Variants in HORMAD2 observed in about 807,000 individuals in gnomAD.
HORMAD2 encodes the protein HORMA domain containing 2, also known as HORMA domain-containing protein 2.
A neutral mutation model predicts 38.8 loss-of-function variants in HORMAD2; 45 were observed. The observed-to-expected ratio is 1.16, with a 90% CI of 0.91 to 1.49. The LOEUF (loss-of-function observed/expected upper bound fraction) is 1.49, where lower values mean the gene tolerates loss of function less well. Ranked by LOEUF, HORMAD2 falls within the 40% of genes most tolerant of loss-of-function variation. The pLI is 0.00. For synonymous variants in HORMAD2, 126 were observed against 122.8 expected, an observed-to-expected ratio of 1.03 and a Z score of -0.17; for missense variants, 338 against 367.0, an observed-to-expected ratio of 0.92 and a Z score of 0.65.
downstream of HORMAD2, among the ~76,000 whole-genome samples, chr22:30,178,499 A>G (rs1339367727): frequency 2.0e-5 from 3 of 152,248 alleles, no homozygotes; most frequent in Admixed American, 6.5e-5. Flanking sequence ...GATTTTACAC[A>G]GCAGAGCTCA....
intron 10 of HORMAD2, among the ~76,000 whole-genome samples, chr22:30,140,091 C>T: frequency 6.6e-6 from 1 of 151,952 alleles, no homozygotes; most frequent in East Asian, 1.9e-4. Flanking sequence ...CAGGGTAACA[C>T]TGGCTTCATA....
chr22:30,108,341 G>A (rs1190927588), intron 5 of HORMAD2, among the ~76,000 whole-genome samples: 1 of 152,060 alleles, frequency 6.6e-6, no homozygotes. Context: ...TCCTTCACAT[G>A]GTCTGCAAGG....
At chr22:30,139,254 C>CTATATATATATATATATATATATA (rs3067131) in intron 10 of HORMAD2, among the ~76,000 whole-genome samples, 1 of 96,774 alleles carries the variant, frequency 1.0e-5, no homozygotes, top group Non-Finnish European at 1.9e-5. Context: ...ATGAACTGTA[C>CTATATATATATATATATATATATA]TATATATATA....
At chr22:30,128,262 C>T (rs1280261147) in intron 10 of HORMAD2, among the ~76,000 whole-genome samples, 1 of 152,098 alleles carries the variant, frequency 6.6e-6, no homozygotes, top group African/African-American at 2.4e-5. Flanking sequence ...CTTCCGCCGT[C>T]CCACCATCCT....
Position 30,175,928 on chromosome 22 carries a change from C to G in HORMAD2, c.820-135C>G, listed in dbSNP as rs1926428563. The G allele has an allele frequency of 4.3e-5, 26 of 605,040 alleles. 1 individual carries two copies. In the South Asian group the frequency reaches 5.5e-4, roughly 13 times the overall value. The allele number at this position is 605,040 out of a possible 1,614,324, so 37.5% of individuals were successfully genotyped here. A position where few individuals can be genotyped will look rare whatever the true frequency, so the allele number is the denominator to read the frequency against. ...AGCAGGGCCTCTGTGCAGGGCCAAA[C>G]CAGCCCACAGGAAAGCAGGTTTGGA... On this transcript the variant is annotated intron_variant, in intron 10 of 10. Coordinates refer to ENST00000336726, the MANE Select transcript of HORMAD2 (RefSeq NM_152510.4).
At chr22:30,196,447 G>A in the HORMAD2 span, among the ~76,000 whole-genome samples, 2 of 152,286 alleles carry the variant, frequency 1.3e-5, no homozygotes, top group East Asian at 1.9e-4. Flanking sequence ...CTGCCGGCAC[G>A]CCTCCTATCA....
At chr22:30,197,733 A>G in the HORMAD2 span, among the ~76,000 whole-genome samples, 7 of 152,176 alleles carry the variant, frequency 4.6e-5, no homozygotes, top group African/African-American at 1.7e-4. Context: ...TATATCCAGA[A>G]TCTTTTTTCC....
At position 30,121,971 on chromosome 22, in the gene HORMAD2, A is replaced by G. The variant is rs377699164; in HGVS notation, c.576A>G (p.Pro192=). The G allele has an allele frequency of 1.9e-6, 3 of 1,610,670 alleles. No homozygotes were observed. The highest frequency in any genetic ancestry group is 2.7e-5 in the African/African-American group (2 of 74,866). The change falls in exon 10 of 11, where the codon CCA becomes CCG. Residue 192 remains proline, a synonymous_variant. Transcript: ENST00000336726. ...MKLHYYNAVT[P]HDYQPLGFKE... ...GCCCTTTTCATTTCGCAGTGACCCC[A>G]CATGATTACCAACCCCTCGGTTTTA...
intron 2 of HORMAD2, among the ~76,000 whole-genome samples, chr22:30,098,278 C>G (rs1196441941): frequency 6.6e-6 from 1 of 152,072 alleles, no homozygotes; most frequent in Non-Finnish European, 1.5e-5. Flanking sequence ...AGCCTGAAGA[C>G]AGAATCCTGG....
chr22:30,108,714 C>T (rs1386504723), intron 5 of HORMAD2, among the ~76,000 whole-genome samples: 1 of 152,122 alleles, frequency 6.6e-6, no homozygotes, highest in African/African-American at 2.4e-5. Context: ...TAACGTTGTT[C>T]TCCCCTGCTA....
the HORMAD2 span, among the ~76,000 whole-genome samples, chr22:30,203,348 T>C: frequency 4.7e-5 from 7 of 150,130 alleles, no homozygotes; most frequent in Admixed American, 4.0e-4. Flanking sequence ...TGAGCCAAGA[T>C]TGTACCATTG....
At chr22:30,197,742 C>T in the HORMAD2 span, among the ~76,000 whole-genome samples, 1 of 151,904 alleles carries the variant, frequency 6.6e-6, no homozygotes, top group Non-Finnish European at 1.5e-5. Context: ...AATCTTTTTT[C>T]CTACACATCT....
chr22:30,165,666 A>G (rs1268154746), intron 10 of HORMAD2, among the ~76,000 whole-genome samples: 1 of 152,044 alleles, frequency 6.6e-6, no homozygotes, highest in Non-Finnish European at 1.5e-5. Flanking sequence ...TTGGGTTTAC[A>G]TATTTGTTTC....
intron 1 of HORMAD2, among the ~76,000 whole-genome samples, chr22:30,084,780 A>G (rs1361522651): frequency 2.0e-5 from 3 of 152,160 alleles, no homozygotes; most frequent in Admixed American, 6.5e-5. Flanking sequence ...GTGAGCCACC[A>G]TGCCCAGCCT....
At chr22:30,085,159 A>AG (rs899164474) in intron 1 of HORMAD2, among the ~76,000 whole-genome samples, 1 of 151,814 alleles carries the variant, frequency 6.6e-6, no homozygotes, top group African/African-American at 2.4e-5. Flanking sequence ...AAAAAAAAAA[A>AG]TGAGCTAAAC....
At chr22:30,090,290 G>A (rs2068658950) in intron 1 of HORMAD2, among the ~76,000 whole-genome samples, 1 of 152,160 alleles carries the variant, frequency 6.6e-6, no homozygotes, top group South Asian at 2.1e-4. Context: ...TTAAGCCTGG[G>A]AGCGGGAGGT....
At chr22:30,178,394 CA>C (rs1403210101), downstream of HORMAD2, among the ~76,000 whole-genome samples, 2 of 152,294 alleles carry the variant, frequency 1.3e-5, no homozygotes, top group Non-Finnish European at 2.9e-5. Context: ...TGTGAGACAA[CA>C]GAGAAGTTTC....
intron 5 of HORMAD2, among the ~76,000 whole-genome samples, chr22:30,110,216 C>T (rs541171005): frequency 5.1e-4 from 77 of 152,010 alleles, no homozygotes; most frequent in South Asian, 2.7e-3. Context: ...CAAAATATCA[C>T]ATGTACCCCC....
At chr22:30,103,648 GATTTTTTTTTTTT>G (rs1920983498) in intron 4 of HORMAD2, 148 bp downstream of exon 4, 1 of 73,316 alleles carries the variant, frequency 1.4e-5, no homozygotes, top group Admixed American at 2.1e-4. Flanking sequence ...TTCTGTTTTT[GATTTTTTTTTTTT>G]TTTTTTTTTT....
Sources: gnomAD v4.1 joint callset for allele counts (sites outside exome capture counted in the v4.1 genomes callset) on GRCh38, gnomAD v4.1.1 for gene constraint, MANE v1.5 for transcripts, NCBI Gene and HGNC (gene_info 2026-07-23, HGNC 2026-07-21) for gene names.